The following LTBP2 variants were observed in gnomAD, a reference collection of about 807,000 sequenced individuals.
LTBP2 encodes the protein latent transforming growth factor beta binding protein 2.
Under a neutral mutation model 210.6 loss-of-function variants are expected in LTBP2, and 103 were observed. The observed-to-expected ratio is 0.49, with a 90% CI of 0.42 to 0.58. The LOEUF is 0.58. Among genes scored for constraint, LTBP2 ranks in the 20% least tolerant of loss-of-function variants. The pLI, the probability that LTBP2 is intolerant of heterozygous loss-of-function variation, is 0.00. For missense variants in LTBP2, 2,313 were observed against 2,494.5 expected (o/e 0.93, Z 1.55); for synonymous variants, 1,007 against 1,015.0 (o/e 0.99, Z 0.15).
chr14:74,500,832 T>G lies in LTBP2; in HGVS notation c.*52A>C, dbSNP rs368507186. 5 of 1,610,638 alleles carry G rather than the reference T, an allele frequency of 3.1e-6. No individual in the cohort carries two copies. Among genetic ancestry groups the G allele is most frequent in the Non-Finnish European group, 4.2e-6 (5 of 1,178,364 alleles). ...GCTAGGAAATCATCCTCAAGGCCCC[T>G]GCCTGTGACTGGAGGCCATTTCCAG... On this transcript the variant is annotated 3_prime_UTR_variant, in exon 36 of 36. Transcript: ENST00000261978.
intron 3 of LTBP2, among the ~76,000 whole-genome samples, chr14:74,563,672 GA>G (rs1013545366): frequency 6.6e-6 from 1 of 152,082 alleles, no homozygotes; most frequent in African/African-American, 2.4e-5. Context: ...CAAATGATAT[GA>G]AATTCAAATT....
intron 14 of LTBP2, 77 bp from the exon 15 acceptor site, chr14:74,525,302 A>AGAC: frequency 4.0e-6 from 3 of 758,492 alleles, no homozygotes; most frequent in Non-Finnish European, 5.8e-6. Context: ...CCTGGTGCTC[A>AGAC]GACTCCCAAG....
chr14:74,584,043 C>A (rs910298495), intron 3 of LTBP2, among the ~76,000 whole-genome samples: 2 of 152,124 alleles, frequency 1.3e-5, no homozygotes, highest in African/African-American at 2.4e-5. Flanking sequence ...GTAGTTTGGA[C>A]CCAGTGTCAG....
intron 21 of LTBP2, 24 bp from the exon 22 acceptor site, chr14:74,509,387 G>A (rs188457478): frequency 1.5e-5 from 24 of 1,612,150 alleles, no homozygotes; most frequent in East Asian, 4.5e-5. Flanking sequence ...GCGCTCGCCC[G>A]GGGACCTAGG....
chr14:74,594,014 T>C (rs2088319186), intron 2 of LTBP2, among the ~76,000 whole-genome samples: 1 of 152,152 alleles, frequency 6.6e-6, no homozygotes, highest in South Asian at 2.1e-4. Flanking sequence ...ACCAACTCTA[T>C]ATAGATTGTT....
intron 12 of LTBP2, 71 bp downstream of exon 12, chr14:74,528,412 C>T: frequency 6.4e-7 from 1 of 1,550,954 alleles, no homozygotes; most frequent in South Asian, 1.1e-5. Flanking sequence ...GATTAACACC[C>T]ACACTTCTCT....
Position 74,553,270 on chromosome 14 carries a change from A to C in LTBP2, c.1022-208T>G, listed in dbSNP as rs145068896. 3.0e-4 allele frequency among the ~76,000 whole-genome samples: 46 copies of C among 152,334 alleles called. 1 individual carries two copies. The East Asian group carries it at 8.7e-3, about 29-fold the overall frequency. On this transcript the variant is annotated intron_variant, in intron 4 of 35. Coordinates refer to ENST00000261978, the MANE Select transcript of LTBP2 (RefSeq NM_000428.3). ...GTGCCAGCCACCAAGCTCACACTTC[A>C]TGCACATCAACCCTCTTGAGTGGGT...
intron 3 of LTBP2, among the ~76,000 whole-genome samples, chr14:74,561,569 G>C (rs563846667): frequency 1.3e-5 from 2 of 152,186 alleles, no homozygotes; most frequent in Non-Finnish European, 2.9e-5. Context: ...AAGAATGAGA[G>C]TGTCTGTGTG....
At chr14:74,560,406 C>G (rs2087779148) in intron 3 of LTBP2, among the ~76,000 whole-genome samples, 1 of 152,210 alleles carries the variant, frequency 6.6e-6, no homozygotes, top group African/African-American at 2.4e-5. Flanking sequence ...GGCTTTTCAA[C>G]CAAGATGAGG....
intron 4 of LTBP2, among the ~76,000 whole-genome samples, chr14:74,554,191 T>C (rs913831659): frequency 2.0e-5 from 3 of 152,096 alleles, no homozygotes; most frequent in African/African-American, 7.2e-5. Context: ...CACAGCAACA[T>C]GGATAAACCT....
chr14:74,505,614 C>A (rs2086972668), intron 28 of LTBP2, among the ~76,000 whole-genome samples: 1 of 152,126 alleles, frequency 6.6e-6, no homozygotes, highest in African/African-American at 2.4e-5. Flanking sequence ...CAGTGAAGAC[C>A]AGCTGAGTCC....
At chr14:74,507,454 G>C in intron 25 of LTBP2, 144 bp from the exon 26 acceptor site, 1 of 1,164,506 alleles carries the variant, frequency 8.6e-7, no homozygotes. Context: ...ATCAAGGTCA[G>C]GACGATTTCC....
chr14:74,571,881 A>G (rs931631199), intron 3 of LTBP2, among the ~76,000 whole-genome samples: 2 of 152,184 alleles, frequency 1.3e-5, no homozygotes, highest in Non-Finnish European at 2.9e-5. Context: ...TTTTGCAAGG[A>G]ACAGGGATTT....
chr14:74,548,561 G>A (rs1163057535), intron 8 of LTBP2, among the ~76,000 whole-genome samples: 1 of 152,214 alleles, frequency 6.6e-6, no homozygotes, highest in Non-Finnish European at 1.5e-5. Context: ...TGATAGGAAA[G>A]AGAAAAGAAA....
chr14:74,610,493 C>A (rs566091826), intron 1 of LTBP2, among the ~76,000 whole-genome samples: 1 of 152,324 alleles, frequency 6.6e-6, no homozygotes, highest in African/African-American at 2.4e-5. Context: ...GCAAATCGGG[C>A]CCAGGCAAAG....
rs1192207046 is a variant in LTBP2, at chr14:74,528,510, G to C, written c.2341C>G (p.Leu781Val). 1 of 1,612,168 alleles carries C rather than the reference G, an allele frequency of 6.2e-7. No individual in the cohort carries two copies. The highest frequency in any genetic ancestry group is 8.5e-7 in the Non-Finnish European group (1 of 1,180,038). Residue 781 changes from leucine to valine, a missense_variant, in exon 12 of 36, where the codon CTT (leucine) becomes GTT (valine). By Grantham distance (32) the Leu-to-Val change is conservative. This residue lies in a region of LTBP2 where 1,867 missense variants were observed against 1,976.9 expected (regional missense o/e 0.94). Transcript: ENST00000261978. The stretch of plus-strand genomic sequence containing the variant: ...TTGTCAGGGATGGTCCCGGCCTCAA[G>C]CCAGGTGTCCGTGACGACCCGGAGG... Reference protein sequence around the residue: ...QPLRVVTDTWLEAGTIPDKGD... With the variant: ...QPLRVVTDTWVEAGTIPDKGD...
chr14:74,511,859 T>C (rs2087076287), intron 18 of LTBP2, among the ~76,000 whole-genome samples: 1 of 152,174 alleles, frequency 6.6e-6, no homozygotes, highest in South Asian at 2.1e-4. Context: ...CAATCTTGGA[T>C]ATGGCCAAGA....
intron 2 of LTBP2, among the ~76,000 whole-genome samples, chr14:74,592,069 C>T (rs2088290635): frequency 6.6e-6 from 1 of 152,150 alleles, no homozygotes; most frequent in South Asian, 2.1e-4. Flanking sequence ...AGTCCAGTGA[C>T]CCTTCGGGAG....
intron 1 of LTBP2, 64 bp downstream of exon 1, chr14:74,611,387 G>T (rs1022645940): frequency 2.1e-6 from 3 of 1,402,002 alleles, no homozygotes; most frequent in Non-Finnish European, 2.8e-6. Context: ...TCGCCTGCAC[G>T]CCCCTCCACA....
Sources: gnomAD v4.1 joint callset for allele counts (sites outside exome capture counted in the v4.1 genomes callset) on GRCh38, gnomAD v4.1.1 for gene constraint, gnomAD v4.1.1 regional missense constraint, MANE v1.5 for transcripts, NCBI Gene and HGNC (gene_info 2026-07-23, HGNC 2026-07-21) for gene names.